The following PRKCQ variants were observed in gnomAD, a reference collection of about 807,000 sequenced individuals.
PRKCQ encodes the protein protein kinase C theta type.
PRKCQ carries 41 observed loss-of-function variants against 91.2 expected under a neutral mutation model. The observed-to-expected ratio is 0.45, with a 90% CI of 0.35 to 0.58. The LOEUF is 0.58. Ranked by LOEUF, PRKCQ falls within the 20% of genes least tolerant of loss-of-function variation. The pLI, the probability that PRKCQ is intolerant of heterozygous loss-of-function variation, is 0.00. For missense variants in PRKCQ, 673 were observed against 896.5 expected, an observed-to-expected ratio of 0.75 and a Z score of 3.18; for synonymous variants, 307 against 316.9, an observed-to-expected ratio of 0.97 and a Z score of 0.33.
chr10:6,489,833 G>A (rs577954224), intron 8 of PRKCQ, among the ~76,000 whole-genome samples: 4 of 152,164 alleles, frequency 2.6e-5, no homozygotes, highest in South Asian at 2.1e-4. Context: ...GAAATGAAAC[G>A]AAGCAGGCAG....
intron 1 of PRKCQ, among the ~76,000 whole-genome samples, chr10:6,569,199 C>G (rs1388720154): frequency 6.6e-6 from 1 of 152,018 alleles, no homozygotes; most frequent in Admixed American, 6.6e-5. Context: ...AGAAGTGCAA[C>G]AAAAAGAGTA....
At chr10:6,571,543 C>A (rs1225807870) in intron 1 of PRKCQ, among the ~76,000 whole-genome samples, 1 of 152,164 alleles carries the variant, frequency 6.6e-6, no homozygotes, top group Non-Finnish European at 1.5e-5. Flanking sequence ...GGGTGGCTCA[C>A]ACCTGTAATC....
In PRKCQ at chr10:6,441,929, C is replaced by T. The variant is rs774183035; in HGVS notation, c.1800G>A (p.Arg600=). ...SIRMDNPFYP[R]WLEKEAKDLL... ...GGTCCTTTGCTTCCTTCTCCAGCCA[C>T]CGTGGGTAAAAGGGATTGTCCATGC... Residue 600 remains arginine (R), a synonymous_variant, in exon 16 of 18, where the codon CGG becomes CGA. Transcript: ENST00000263125. 53 of 1,611,668 alleles carry T rather than the reference C, an allele frequency of 3.3e-5. No homozygotes were observed. The South Asian group carries it at 5.8e-4, about 18-fold the overall frequency.
At chr10:6,454,492 G>C (rs1254425964) in intron 15 of PRKCQ, among the ~76,000 whole-genome samples, 1 of 152,140 alleles carries the variant, frequency 6.6e-6, no homozygotes, top group African/African-American at 2.4e-5. Context: ...GGACATGAGA[G>C]GGTCCAATTA....
At chr10:6,418,954 AATATCTATC>A in the PRKCQ span, among the ~76,000 whole-genome samples, 1 of 129,250 alleles carries the variant, frequency 7.7e-6, no homozygotes, top group Admixed American at 8.4e-5. Context: ...TATCTTATCT[AATATCTATC>A]TATCTATCTA....
intron 1 of PRKCQ, among the ~76,000 whole-genome samples, chr10:6,531,130 A>G (rs1226048465): frequency 6.6e-6 from 1 of 152,136 alleles, no homozygotes; most frequent in Non-Finnish European, 1.5e-5. Context: ...CAAATCCTGC[A>G]GCCCCACCCA....
At position 6,470,546 on chromosome 10, in the gene PRKCQ, C is replaced by G. The variant is rs17156313; in HGVS notation, c.1354-6142G>C. Among the ~76,000 whole-genome samples, 537 of 152,274 alleles carry G rather than the reference C, an allele frequency of 3.5e-3. 5 individuals carry two copies. Among genetic ancestry groups the G allele is most frequent in the African/African-American group, 0.012 (512 of 41,524 alleles). On this transcript the variant is annotated intron_variant, in intron 12 of 17. Coordinates refer to ENST00000263125, the MANE Select transcript of PRKCQ (RefSeq NM_006257.5). The stretch of plus-strand genomic sequence containing the variant: ...ACAACACATATTAAACTGCTCTATG[C>G]TATTTATCAGATATTTCTCTAAGAC...
chr10:6,451,622 C>G (rs985635778), intron 15 of PRKCQ, among the ~76,000 whole-genome samples: 34 of 151,964 alleles, frequency 2.2e-4, no homozygotes, highest in Middle Eastern at 3.4e-3. Flanking sequence ...GAGACACAAC[C>G]AAAAAAGAGA....
At chr10:6,460,476 TC>T (rs753150400) in intron 14 of PRKCQ, among the ~76,000 whole-genome samples, 120 of 144,070 alleles carry the variant, frequency 8.3e-4, no homozygotes, top group Middle Eastern at 3.8e-3. Flanking sequence ...TATTCCTACT[TC>T]CCCTTTTTTT....
chr10:6,579,354 C>A (rs570806328), intron 1 of PRKCQ, among the ~76,000 whole-genome samples: 6 of 152,178 alleles, frequency 3.9e-5, no homozygotes, highest in Admixed American at 2.6e-4. Flanking sequence ...TATAGCACCA[C>A]GTCCAGCCCG....
At chr10:6,440,318 C>T (rs747529033) in intron 16 of PRKCQ, among the ~76,000 whole-genome samples, 4 of 152,170 alleles carry the variant, frequency 2.6e-5, no homozygotes, top group Admixed American at 6.5e-5. Context: ...GCAGAATCAG[C>T]GTTGGTACAG....
At chr10:6,570,064 A>G (rs1840980866) in intron 1 of PRKCQ, among the ~76,000 whole-genome samples, 1 of 151,302 alleles carries the variant, frequency 6.6e-6, no homozygotes, top group South Asian at 2.1e-4. Context: ...GGAAGGAAGG[A>G]AACATGGGCA....
chr10:6,433,634 C>T (rs891316619), intron 16 of PRKCQ, among the ~76,000 whole-genome samples: 1 of 152,110 alleles, frequency 6.6e-6, no homozygotes, highest in Non-Finnish European at 1.5e-5. Context: ...CCTTCATCAC[C>T]ACTGTGCAAT....
At chr10:6,472,036 C>T (rs781541114) in intron 12 of PRKCQ, among the ~76,000 whole-genome samples, 8 of 151,850 alleles carry the variant, frequency 5.3e-5, no homozygotes, top group Non-Finnish European at 1.2e-4. Flanking sequence ...GGGCCGGGCG[C>T]GGTGGCTCAC....
At chr10:6,414,462 G>A in the PRKCQ span, among the ~76,000 whole-genome samples, 2 of 152,212 alleles carry the variant, frequency 1.3e-5, no homozygotes, top group East Asian at 3.9e-4. Context: ...AAAAATAAAT[G>A]AGGAGGGGAC....
At chr10:6,533,389 G>A (rs777387701) in intron 1 of PRKCQ, among the ~76,000 whole-genome samples, 2 of 152,194 alleles carry the variant, frequency 1.3e-5, no homozygotes, top group East Asian at 1.9e-4. Context: ...TGGAGACGGG[G>A]TTTCACCACG....
chr10:6,402,233 G>C, the PRKCQ span, among the ~76,000 whole-genome samples: 1 of 152,008 alleles, frequency 6.6e-6, no homozygotes, highest in Admixed American at 6.6e-5. Context: ...AGCATTAGGA[G>C]AAATACCTAA....
intron 12 of PRKCQ, among the ~76,000 whole-genome samples, chr10:6,470,617 G>A (rs1588710047): frequency 6.6e-6 from 1 of 152,178 alleles, no homozygotes; most frequent in Non-Finnish European, 1.5e-5. Context: ...TTTTAAGGGG[G>A]AGAGACAAGG....
chr10:6,451,225 T>A (rs1420225176), intron 15 of PRKCQ, among the ~76,000 whole-genome samples: 3 of 148,740 alleles, frequency 2.0e-5, no homozygotes, highest in Non-Finnish European at 4.4e-5. Flanking sequence ...ATAAACACAA[T>A]AAAAAATGAT....
Sources: allele counts gnomAD v4.1 joint callset (sites outside exome capture counted in the v4.1 genomes callset), GRCh38; gene constraint gnomAD v4.1.1; transcripts MANE v1.5; gene names NCBI Gene and HGNC (gene_info 2026-07-23, HGNC 2026-07-21).